The following TMEM131 variants were observed in gnomAD, a reference collection of about 807,000 sequenced individuals.
TMEM131 encodes transmembrane protein 131, also known as 2610524E03Rik.
In TMEM131, 66 loss-of-function variants were observed where a neutral mutation model predicts 211.6. That is an observed-to-expected ratio of 0.31 (90% confidence interval 0.26 to 0.38). The LOEUF (loss-of-function observed/expected upper bound fraction) is 0.38. Ranked by LOEUF, TMEM131 falls within the 10% of genes least tolerant of loss-of-function variation. TMEM131 has a pLI of 1.00. For synonymous variants in TMEM131, 844 were observed against 841.3 expected, an observed-to-expected ratio of 1.00 and a Z score of -0.06; for missense variants, 2,036 against 2,299.3, an observed-to-expected ratio of 0.89 and a Z score of 2.34.
At chr2:97,938,405 A>C (rs1379765377) in intron 1 of TMEM131, among the ~76,000 whole-genome samples, 1 of 152,180 alleles carries the variant, frequency 6.6e-6, no homozygotes, top group Non-Finnish European at 1.5e-5. Flanking sequence ...CAGACTTTAA[A>C]CCAACAAAAA....
chr2:97,972,473 C>CGGGA (rs1314978916), intron 1 of TMEM131, among the ~76,000 whole-genome samples: 2 of 2,668 alleles, frequency 7.5e-4, no homozygotes, highest in African/African-American at 2.8e-3. Context: ...GGAAGGCGGG[C>CGGGA]GGGAGGGAGG....
chr2:97,972,458 G>C (rs1384558961), intron 1 of TMEM131, among the ~76,000 whole-genome samples: 1 of 146,398 alleles, frequency 6.8e-6, no homozygotes. Flanking sequence ...AGGGAGGGGA[G>C]GGAGGGAAGG....
chr2:97,982,208 C>T (rs1008940651), intron 1 of TMEM131, among the ~76,000 whole-genome samples: 4 of 152,134 alleles, frequency 2.6e-5, no homozygotes, highest in Admixed American at 1.3e-4. Flanking sequence ...TCTGTTTGAT[C>T]GTAGCCATAT....
intron 31 of TMEM131, among the ~76,000 whole-genome samples, chr2:97,789,986 A>G (rs1470985774): frequency 6.6e-6 from 1 of 152,186 alleles, no homozygotes; most frequent in Non-Finnish European, 1.5e-5. Flanking sequence ...AAACACATTC[A>G]CTTGAAGAGG....
intron 32 of TMEM131, among the ~76,000 whole-genome samples, chr2:97,773,705 T>C (rs774253299): frequency 6.6e-6 from 1 of 151,872 alleles, no homozygotes; most frequent in Non-Finnish European, 1.5e-5. Flanking sequence ...TGGGCTCAAG[T>C]GATCCTCTCA....
chr2:97,817,860 T>TAA (rs1194482625), intron 12 of TMEM131, among the ~76,000 whole-genome samples: 1 of 152,204 alleles, frequency 6.6e-6, no homozygotes, highest in African/African-American at 2.4e-5. Context: ...GGCTTTATCA[T>TAA]AAAGCCAAAG....
chr2:97,928,378 A>G (rs1433609840), intron 1 of TMEM131, among the ~76,000 whole-genome samples: 1 of 149,072 alleles, frequency 6.7e-6, no homozygotes, highest in Non-Finnish European at 1.5e-5. Context: ...GGGTGGTAAA[A>G]CCATTCTTTA....
intron 4 of TMEM131, among the ~76,000 whole-genome samples, chr2:97,886,127 G>A (rs1675146496): frequency 6.6e-6 from 1 of 151,912 alleles, no homozygotes; most frequent in Non-Finnish European, 1.5e-5. Flanking sequence ...TCTTTGTTAT[G>A]TTACCTGTCT....
chr2:97,887,038 T>C (rs997964081), intron 4 of TMEM131, among the ~76,000 whole-genome samples: 10 of 152,084 alleles, frequency 6.6e-5, no homozygotes, highest in African/African-American at 2.4e-4. Flanking sequence ...CTCAGATGGC[T>C]TGGGTGTCTG....
intron 36 of TMEM131, chr2:97,761,778 A>G: frequency 2.5e-6 from 1 of 407,134 alleles, no homozygotes; most frequent in Non-Finnish European, 4.3e-6. Flanking sequence ...CACTCTAGTG[A>G]GTTAAATGGT....
At chr2:97,758,037 C>G (rs952228551) in intron 40 of TMEM131, among the ~76,000 whole-genome samples, 19 of 151,608 alleles carry the variant, frequency 1.3e-4, no homozygotes, top group Middle Eastern at 3.4e-3. Context: ...GAGGCTGAGG[C>G]AGGAGAATGG....
chr2:97,980,717 A>C (rs768399791), intron 1 of TMEM131, among the ~76,000 whole-genome samples: 3 of 152,046 alleles, frequency 2.0e-5, no homozygotes, highest in Non-Finnish European at 4.4e-5. Context: ...ATACAACAGA[A>C]TACTACTCAA....
intron 1 of TMEM131, among the ~76,000 whole-genome samples, chr2:97,948,714 G>A (rs1221221357): frequency 6.6e-6 from 1 of 152,086 alleles, no homozygotes; most frequent in African/African-American, 2.4e-5. Context: ...CTGGAGTGCA[G>A]TGGTGTGATC....
At chr2:97,809,437 A>C (rs1166150986) in intron 19 of TMEM131, among the ~76,000 whole-genome samples, 1 of 151,138 alleles carries the variant, frequency 6.6e-6, no homozygotes, top group African/African-American at 2.4e-5. Flanking sequence ...CTTTATTTTC[A>C]CTCCTCTTAG....
chr2:97,860,695 G>A (rs1283199310), intron 4 of TMEM131, among the ~76,000 whole-genome samples: 1 of 152,190 alleles, frequency 6.6e-6, no homozygotes, highest in Non-Finnish European at 1.5e-5. Flanking sequence ...ATGGAATGCA[G>A]GTGGAAGGGC....
In TMEM131 at chr2:97,813,997, C is replaced by T. The variant is rs376988031; in HGVS notation, c.1591G>A (p.Val531Met). The T allele has an allele frequency of 2.4e-4, 382 of 1,597,790 alleles. 1 individual carries two copies. The highest frequency in any genetic ancestry group is 3.3e-4 in the Middle Eastern group (2 of 6,014). Residue 531 changes from valine to methionine, a missense_variant, in exon 15 of 41, where the codon GTG (valine) becomes ATG (methionine). Val to Met is a conservative substitution (Grantham distance 21, BLOSUM62 1). This residue lies in a region of TMEM131 where 1,623 missense variants were observed against 1,805.9 expected (regional missense o/e 0.90). Transcript: ENST00000186436. ...ITNASKFHLP[V>M]RVYTGFLDYF... Reference sequence around the variant, plus strand: ...TCTAAAAAGCCTGTGTATACCCGCACGGGTAAATGAAATTTAGAAGCATTG... The same window carrying T: ...TCTAAAAAGCCTGTGTATACCCGCATGGGTAAATGAAATTTAGAAGCATTG...
At chr2:97,813,809 A>C (rs1222907505) in intron 15 of TMEM131, among the ~76,000 whole-genome samples, 162 bp downstream of exon 15, 1 of 152,230 alleles carries the variant, frequency 6.6e-6, no homozygotes, top group Non-Finnish European at 1.5e-5. Context: ...CAGAAAAGGT[A>C]AAAACTAGTT....
At chr2:97,783,602 A>G (rs1202005778) in intron 31 of TMEM131, among the ~76,000 whole-genome samples, 1 of 152,102 alleles carries the variant, frequency 6.6e-6, no homozygotes, top group Non-Finnish European at 1.5e-5. Flanking sequence ...CATATAATGT[A>G]TACCTAGAGC....
intron 2 of TMEM131, among the ~76,000 whole-genome samples, chr2:97,921,031 G>A (rs935740088): frequency 2.0e-5 from 3 of 150,590 alleles, no homozygotes; most frequent in Non-Finnish European, 3.0e-5. Flanking sequence ...AGATACATAT[G>A]GAAGGCAAAG....
Sources: gnomAD v4.1 joint callset for allele counts (sites outside exome capture counted in the v4.1 genomes callset) on GRCh38, gnomAD v4.1.1 for gene constraint, gnomAD v4.1.1 regional missense constraint, MANE v1.5 for transcripts, NCBI Gene and HGNC (gene_info 2026-07-23, HGNC 2026-07-21) for gene names.